The following MPP7 variants were observed in gnomAD, a reference collection of about 807,000 sequenced individuals.
MPP7 encodes the protein MAGUK p55 scaffold protein 7.
Under a neutral mutation model 76.5 loss-of-function variants are expected in MPP7, and 60 were observed. That is an observed-to-expected ratio of 0.78 (90% CI 0.64 to 0.97). The LOEUF (loss-of-function observed/expected upper bound fraction) is 0.97, where lower values mean the gene tolerates loss of function less well. Among genes scored for constraint, MPP7 ranks in the 50% least tolerant of loss-of-function variants. The pLI is 0.00. For synonymous variants in MPP7, 237 were observed against 244.5 expected (o/e 0.97, Z 0.29); for missense variants, 641 against 694.0 (o/e 0.92, Z 0.86).
At chr10:28,154,101 A>G (rs1835969995) in intron 3 of MPP7, among the ~76,000 whole-genome samples, 1 of 152,190 alleles carries the variant, frequency 6.6e-6, no homozygotes, top group Non-Finnish European at 1.5e-5. Context: ...CCACTTTGCT[A>G]ACTTTACAAT....
chr10:28,259,375 T>C (rs1291696999), intron 1 of MPP7, among the ~76,000 whole-genome samples: 1 of 151,954 alleles, frequency 6.6e-6, no homozygotes, highest in Non-Finnish European at 1.5e-5. Context: ...GCTCAAGAGT[T>C]CGAGACCAGC....
chr10:28,102,550 T>C (rs1853874503), intron 11 of MPP7, among the ~76,000 whole-genome samples: 2 of 152,192 alleles, frequency 1.3e-5, no homozygotes, highest in Non-Finnish European at 2.9e-5. Context: ...TGGAGTGTCA[T>C]AGATCTCTAT....
intron 3 of MPP7, among the ~76,000 whole-genome samples, chr10:28,172,457 T>C (rs1201642881): frequency 6.6e-6 from 1 of 152,246 alleles, no homozygotes; most frequent in Non-Finnish European, 1.5e-5. Context: ...AACATACATG[T>C]ATTGTATTTC....
intron 1 of MPP7, among the ~76,000 whole-genome samples, chr10:28,242,489 A>T (rs1164443197): frequency 6.6e-6 from 1 of 152,206 alleles, no homozygotes; most frequent in Non-Finnish European, 1.5e-5. Context: ...TAAGAATAAA[A>T]GGAGGCAACA....
At chr10:28,114,635 G>GT (rs1191039098) in intron 11 of MPP7, among the ~76,000 whole-genome samples, 1 of 152,026 alleles carries the variant, frequency 6.6e-6, no homozygotes, top group African/African-American at 2.4e-5. Context: ...CATGGGCAAG[G>GT]TTAAATCCCC....
chr10:28,153,439 A>G (rs1479151017), intron 3 of MPP7, among the ~76,000 whole-genome samples: 1 of 152,194 alleles, frequency 6.6e-6, no homozygotes, highest in African/African-American at 2.4e-5. Context: ...AAGTCAGGAC[A>G]CGCTAAAATA....
chr10:28,333,905 C>A (rs1424351634), intron 1 of MPP7, among the ~76,000 whole-genome samples: 2 of 151,930 alleles, frequency 1.3e-5, no homozygotes, highest in Admixed American at 1.3e-4. Flanking sequence ...TAATAGTAGC[C>A]AAGGGGGCCG....
At chr10:28,055,862 T>C (rs1464776547) in intron 16 of MPP7, among the ~76,000 whole-genome samples, 1 of 151,696 alleles carries the variant, frequency 6.6e-6, no homozygotes, top group Non-Finnish European at 1.5e-5. Flanking sequence ...GTTCACATAA[T>C]AGTATACAAA....
At chr10:28,100,132 A>C (rs562844487) in intron 11 of MPP7, among the ~76,000 whole-genome samples, 10 of 151,770 alleles carry the variant, frequency 6.6e-5, no homozygotes, top group East Asian at 1.9e-4. Context: ...AAAAAAAAAA[A>C]AAACACGTAG....
At chr10:28,054,655 T>C (rs993894018) in intron 16 of MPP7, among the ~76,000 whole-genome samples, 2 of 152,140 alleles carry the variant, frequency 1.3e-5, no homozygotes, top group African/African-American at 4.8e-5. Context: ...TTGGACAAAT[T>C]TGTAAAAGGA....
At chr10:28,325,593 A>G (rs1260704751) in intron 2 of MPP7, among the ~76,000 whole-genome samples, 2 of 151,966 alleles carry the variant, frequency 1.3e-5, no homozygotes, top group Admixed American at 1.3e-4. Context: ...TCCCCGGTCC[A>G]AGGGATTCTC....
intron 11 of MPP7, among the ~76,000 whole-genome samples, chr10:28,095,663 C>A (rs1207475968): frequency 1.3e-5 from 2 of 152,078 alleles, no homozygotes; most frequent in Non-Finnish European, 2.9e-5. Flanking sequence ...ACTGAAAGTA[C>A]ACAGAGGATT....
intron 1 of MPP7, among the ~76,000 whole-genome samples, chr10:28,298,753 T>C (rs1841087339): frequency 6.6e-6 from 1 of 152,196 alleles, no homozygotes; most frequent in African/African-American, 2.4e-5. Flanking sequence ...GGCTGTTTCA[T>C]CTACACTGAA....
chr10:28,204,214 G>A (rs900476959), intron 2 of MPP7, among the ~76,000 whole-genome samples: 1 of 152,194 alleles, frequency 6.6e-6, no homozygotes, highest in South Asian at 2.1e-4. Flanking sequence ...AGGCCGAGGT[G>A]GGCAGATCAC....
At chr10:28,296,883 A>G (rs1358022698) in intron 1 of MPP7, among the ~76,000 whole-genome samples, 1 of 152,226 alleles carries the variant, frequency 6.6e-6, no homozygotes, top group Admixed American at 6.5e-5. Flanking sequence ...TTAAAGACTC[A>G]GTAATCTAAG....
intron 1 of MPP7, among the ~76,000 whole-genome samples, chr10:28,282,521 C>T (rs778341329): frequency 1.3e-5 from 2 of 152,044 alleles, no homozygotes; most frequent in Non-Finnish European, 2.9e-5. Flanking sequence ...ATTAAAGCCA[C>T]AGGCAGTTTA....
intron 4 of MPP7, among the ~76,000 whole-genome samples, chr10:28,148,088 T>C (rs536456266): frequency 1.1e-4 from 16 of 152,180 alleles, no homozygotes; most frequent in Non-Finnish European, 2.2e-4. Context: ...TTTTATTATG[T>C]TTACCTATAC....
intron 3 of MPP7, among the ~76,000 whole-genome samples, chr10:28,164,153 A>T (rs1836364366): frequency 6.6e-6 from 1 of 152,050 alleles, no homozygotes; most frequent in Non-Finnish European, 1.5e-5. Flanking sequence ...GGGGATGTAA[A>T]TGGTAACTGA....
chr10:28,131,499 T>TATA, intron 6 of MPP7, 61 bp downstream of exon 6: 1 of 1,444,768 alleles, frequency 6.9e-7, no homozygotes, highest in East Asian at 2.8e-5. Context: ...TTATACATGG[T>TATA]ATGCACCATC....
Sources: gnomAD v4.1 joint callset for allele counts (sites outside exome capture counted in the v4.1 genomes callset) on GRCh38, gnomAD v4.1.1 for gene constraint, MANE v1.5 for transcripts, NCBI Gene and HGNC (gene_info 2026-07-23, HGNC 2026-07-21) for gene names.